MORN1: variants seen among roughly 807,000 people sequenced by gnomAD.
The protein encoded by MORN1 is MORN repeat-containing protein 1.
A neutral mutation model predicts 61.9 loss-of-function variants in MORN1; 67 were observed. The observed-to-expected ratio is 1.08, with a 90% CI of 0.89 to 1.33. The LOEUF is 1.33. Ranked by LOEUF, MORN1 falls within the 40% of genes most tolerant of loss-of-function variation. MORN1 has a pLI of 0.00. For synonymous variants in MORN1, 301 were observed against 292.0 expected (o/e 1.03, Z -0.31); for missense variants, 752 against 691.2 (o/e 1.09, Z -0.99).
At chr1:2,328,927 C>G (rs1034225938) in intron 12 of MORN1, among the ~76,000 whole-genome samples, 1 of 152,226 alleles carries the variant, frequency 6.6e-6, no homozygotes, top group Non-Finnish European at 1.5e-5. Flanking sequence ...GGCCCCTCTG[C>G]ACCCGCAGGC....
intron 12 of MORN1, among the ~76,000 whole-genome samples, chr1:2,325,132 T>C (rs77652684): frequency 0.086 from 1,658 of 19,386 alleles, 44 homozygotes; most frequent in East Asian, 0.21. Context: ...CCTTCCTTCC[T>C]TCCCTCCCTC....
intron 10 of MORN1, chr1:2,355,414 C>CA (rs1191573042): frequency 6.5e-7 from 1 of 1,550,276 alleles, no homozygotes; most frequent in East Asian, 2.4e-5. Context: ...CTGGTCCTCT[C>CA]ACAGCTGTTG....
intron 10 of MORN1, among the ~76,000 whole-genome samples, chr1:2,356,042 G>C (rs1461805304): frequency 6.6e-6 from 1 of 152,214 alleles, no homozygotes; most frequent in Non-Finnish European, 1.5e-5. Flanking sequence ...GGTTGGAGTT[G>C]GGGGATCACC....
chr1:2,357,205 G>C lies in MORN1; in HGVS notation c.1036+227C>G, dbSNP rs531598593. ...CCCACGAGGCTGCAGCCCCTGCCAG[G>C]CTCACGGCAGACGAACAATCGGCTT... On this transcript the variant is annotated intron_variant, in intron 10 of 13. Transcript: ENST00000378531. The surrounding 1 kb of genome is among the most constrained non-coding windows in gnomAD (Gnocchi z 6.3). 1.5e-4 allele frequency among the ~76,000 whole-genome samples: 23 copies of C among 152,288 alleles called. No individual in the cohort carries two copies. In the East Asian group the frequency reaches 4.1e-3, roughly 27 times the overall value.
At chr1:2,349,065 C>T (rs1362736530) in intron 10 of MORN1, among the ~76,000 whole-genome samples, 1 of 152,204 alleles carries the variant, frequency 6.6e-6, no homozygotes, top group Non-Finnish European at 1.5e-5. Flanking sequence ...CCCCTCAGGC[C>T]CTGTGCTTGG....
At chr1:2,335,947 C>T (rs545830996) in intron 12 of MORN1, among the ~76,000 whole-genome samples, 5 of 151,930 alleles carry the variant, frequency 3.3e-5, no homozygotes, top group African/African-American at 4.9e-5. Context: ...TAGAACCGGC[C>T]GGTTACGGCC....
intron 10 of MORN1, among the ~76,000 whole-genome samples, chr1:2,340,504 C>T (rs1345540418): frequency 6.6e-6 from 1 of 152,202 alleles, no homozygotes; most frequent in Admixed American, 6.5e-5. Flanking sequence ...TCCTTGTGGG[C>T]ACCTCCTTGG....
chr1:2,358,635 T>G lies in MORN1; in HGVS notation c.826A>C (p.Lys276Gln), dbSNP rs780915620. The G allele has an allele frequency of 2.5e-6, 4 of 1,614,046 alleles. No homozygotes were observed. Among genetic ancestry groups the G allele is most frequent in the African/African-American group, 1.3e-5 (1 of 75,006 alleles). Residue 276 changes from lysine to glutamine, a missense_variant, in exon 9 of 14, where the codon AAA (lysine) becomes CAA (glutamine). By Grantham distance (53) the Lys-to-Gln change is moderately conservative. Transcript: ENST00000378531. ...LSAYSEVNFF[K>Q]VDRDNQETLI... is the part of the protein sequence containing the mutation. ...GTCTCTTGGTTGTCTCTGTCCACTT[T>G]GAAAAAGTTGACCTCAGAGTAGGCT...
At position 2,336,716 on chromosome 1, in the gene MORN1, C is replaced by T. The variant is rs1641287670; in HGVS notation, c.1170+1G>A. On this transcript the variant is annotated splice_donor_variant, in intron 11 of 13. Transcript: ENST00000378531. LOFTEE classifies it high-confidence loss of function. Reference sequence around the variant, plus strand: ...CCTCCCCGCCCCCCGTGGGCACCCACCTTGTGGAGGCTGTCCAGGAACAGG... The same window carrying T: ...CCTCCCCGCCCCCCGTGGGCACCCATCTTGTGGAGGCTGTCCAGGAACAGG... 3 of 1,563,510 alleles carry T rather than the reference C, an allele frequency of 1.9e-6. No homozygotes were observed. Among genetic ancestry groups the T allele is most frequent in the Non-Finnish European group, 1.7e-6 (2 of 1,155,118 alleles).
At chr1:2,388,954 A>G (rs1209066002) in intron 2 of MORN1, among the ~76,000 whole-genome samples, 1 of 151,832 alleles carries the variant, frequency 6.6e-6, no homozygotes, top group Non-Finnish European at 1.5e-5. Flanking sequence ...TCTACTAAAA[A>G]TACAAAAATT....
At chr1:2,381,483 G>A (rs1242760398) in intron 6 of MORN1, among the ~76,000 whole-genome samples, 1 of 152,186 alleles carries the variant, frequency 6.6e-6, no homozygotes, top group Non-Finnish European at 1.5e-5. Context: ...GTGTCCCCAG[G>A]GAGCTCAAGC....
intron 13 of MORN1, chr1:2,323,028 G>T (rs993903099): frequency 1.0e-6 from 1 of 985,342 alleles, no homozygotes. Flanking sequence ...CTCACCCCCA[G>T]GGCTGTCTCC....
chr1:2,327,397 C>T (rs1641056603), intron 12 of MORN1, among the ~76,000 whole-genome samples: 1 of 151,852 alleles, frequency 6.6e-6, no homozygotes, highest in Non-Finnish European at 1.5e-5. Flanking sequence ...CACAGAAACA[C>T]AGAAACAAAC....
intron 10 of MORN1, among the ~76,000 whole-genome samples, chr1:2,338,992 G>A (rs1244563400): frequency 6.6e-6 from 1 of 152,152 alleles, no homozygotes; most frequent in Non-Finnish European, 1.5e-5. Context: ...GAGGACACCA[G>A]GGCCTATAAA....
chr1:2,321,480 G>C lies in MORN1; in HGVS notation c.1397C>G (p.Ala466Gly). The stretch of plus-strand genomic sequence containing the variant: ...TTCCAGGACATGGGGTGGCTGGCCA[G>C]CCCTCTTCGCTACGACCCGCAGGTG... ...FKHLRVVAKR[A>G]GQPPHVLEEG... The change falls in exon 14 of 14, where the codon GCT (alanine) becomes GGT (glycine). Residue 466 changes from alanine (A) to glycine (G), a missense_variant. Ala to Gly is a moderately conservative substitution (Grantham distance 60). Transcript: ENST00000378531. The C allele has an allele frequency of 6.5e-7, 1 of 1,529,078 alleles. No individual in the cohort carries two copies. The highest frequency in any genetic ancestry group is 8.8e-7 in the Non-Finnish European group (1 of 1,137,766). The allele number at this position is 1,529,078 out of a possible 1,614,324, so 94.7% of individuals were successfully genotyped here.
intron 12 of MORN1, among the ~76,000 whole-genome samples, chr1:2,327,261 CAG>C (rs1641051950): frequency 6.9e-6 from 1 of 143,982 alleles, no homozygotes; most frequent in East Asian, 2.1e-4. Context: ...CACAGAAACA[CAG>C]AAACAAACAC....
In MORN1 at chr1:2,357,580, A is replaced by G; in HGVS notation, c.888T>C (p.Pro296=). Residue 296 remains proline (P), a synonymous_variant, in exon 10 of 14, where the codon CCT becomes CCC. Coordinates refer to ENST00000378531, the MANE Select transcript of MORN1 (RefSeq NM_024848.3). The surrounding 1 kb of genome is among the most constrained non-coding windows in gnomAD (Gnocchi z 6.3). ...IQTPFGFECI[P]YPVSSPAAGV... is the part of the protein sequence containing the mutation. ...CAGCTGCGGGGCTGGACACAGGATA[A>G]GGGATGCATTCGAACCCACTGCAAA... 1 of 1,604,152 alleles carries G rather than the reference A, an allele frequency of 6.2e-7. No homozygotes were observed. Among genetic ancestry groups the G allele is most frequent in the Non-Finnish European group, 8.5e-7 (1 of 1,174,810 alleles).
chr1:2,331,858 GC>G, intron 12 of MORN1, among the ~76,000 whole-genome samples: 1 of 126,328 alleles, frequency 7.9e-6, no homozygotes. Flanking sequence ...TCCCGCCCCT[GC>G]GCCTCTCCCT....
In MORN1 at chr1:2,372,975, C is replaced by T. The variant is rs1234150224; in HGVS notation, c.635-384G>A. ...TGCATTCCCTGCATCTGAGTCAGCACCCTGAGGTGCTGGACCTGGGACTAG... is the reference window on the plus strand; with the variant it reads ...TGCATTCCCTGCATCTGAGTCAGCATCCTGAGGTGCTGGACCTGGGACTAG... On this transcript the variant is annotated intron_variant, in intron 7 of 13. Coordinates refer to ENST00000378531, the MANE Select transcript of MORN1 (RefSeq NM_024848.3). This position sits in a 1 kb window ranked among gnomAD's most constrained non-coding sequence, Gnocchi z 5.4. Among the ~76,000 whole-genome samples, 5 of 152,268 alleles carry T rather than the reference C, an allele frequency of 3.3e-5. No homozygotes were observed. Among genetic ancestry groups the T allele is most frequent in the Admixed American group, 2.6e-4 (4 of 15,292 alleles).
Sources: gnomAD v4.1 joint callset for allele counts (sites outside exome capture counted in the v4.1 genomes callset) on GRCh38, gnomAD v4.1.1 for gene constraint, Gnocchi (gnomAD v3.1) non-coding constraint, MANE v1.5 for transcripts, NCBI Gene and HGNC (gene_info 2026-07-23, HGNC 2026-07-21) for gene names.